The following TNIK variants were observed in gnomAD, a reference collection of about 807,000 sequenced individuals.
The protein encoded by TNIK is TRAF2 and NCK interacting kinase, also known as TRAF2 and NCK-interacting protein kinase.
Under a neutral mutation model 191.3 loss-of-function variants are expected in TNIK, and 49 were observed. The ratio of observed to expected loss-of-function variants is 0.26; its 90% CI spans 0.20 to 0.32. TNIK has a LOEUF of 0.32. Among genes scored for constraint, TNIK ranks in the 10% least tolerant of loss-of-function variants. The pLI, the probability that TNIK is intolerant of heterozygous loss-of-function variation, is 1.00. For missense variants in TNIK, 1,155 were observed against 1,702.3 expected, an observed-to-expected ratio of 0.68 and a Z score of 5.66; for synonymous variants, 594 against 600.9, an observed-to-expected ratio of 0.99 and a Z score of 0.17.
Position 171,157,580 on chromosome 3 carries a change from G to A in TNIK, c.1101C>T (p.Ala367=), listed in dbSNP as rs538670408. ...GCTGCTCCAGCTGCTGCCTCCGTAGGGCCTCAGAACGCTCCTTGTTGGCCA... is the reference window on the plus strand; with the variant it reads ...GCTGCTCCAGCTGCTGCCTCCGTAGAGCCTCAGAACGCTCCTTGTTGGCCA... ...LQLANKERSE[A]LRRQQLEQQQ... The change falls in exon 12 of 33, where the codon GCC becomes GCT. Residue 367 remains alanine (A), a synonymous_variant. Transcript: ENST00000436636. 92 of 1,558,480 alleles carry A rather than the reference G, an allele frequency of 5.9e-5. 2 individuals carry two copies. In the Admixed American group the frequency reaches 9.5e-4, roughly 16 times the overall value.
At chr3:171,235,190 C>G (rs1744112027) in intron 2 of TNIK, among the ~76,000 whole-genome samples, 1 of 152,114 alleles carries the variant, frequency 6.6e-6, no homozygotes, top group African/African-American at 2.4e-5. Context: ...TACTGGTTCC[C>G]ACTACCATGC....
chr3:171,400,572 C>CAGTAAATAAATAAATAAATAAATAAATA (rs1553770008), intron 1 of TNIK, among the ~76,000 whole-genome samples: 4 of 145,850 alleles, frequency 2.7e-5, no homozygotes, highest in Non-Finnish European at 6.0e-5. Context: ...TCCTATCTCA[C>CAGTAAATAAATAAATAAATAAATAAATA]AATAAATAAA....
chr3:171,265,839 A>G (rs1242119729), intron 2 of TNIK, among the ~76,000 whole-genome samples: 2 of 149,894 alleles, frequency 1.3e-5, no homozygotes, highest in Non-Finnish European at 3.0e-5. Flanking sequence ...TGATTGCTTT[A>G]AATAAGCATT....
chr3:171,099,685 C>T (rs1161896563), intron 22 of TNIK, among the ~76,000 whole-genome samples: 6 of 152,160 alleles, frequency 3.9e-5, no homozygotes, highest in Non-Finnish European at 8.8e-5. Context: ...AGGGGGCAGG[C>T]TCTACCTATG....
At chr3:171,156,565 G>T (rs1022777420) in intron 12 of TNIK, among the ~76,000 whole-genome samples, 2 of 152,206 alleles carry the variant, frequency 1.3e-5, no homozygotes, top group African/African-American at 4.8e-5. Flanking sequence ...TTTCCTAATT[G>T]TCTAGAGGCT....
intron 23 of TNIK, 40 bp from the exon 24 acceptor site, chr3:171,087,546 G>T (rs1031027083): frequency 6.2e-7 from 1 of 1,600,598 alleles, no homozygotes; most frequent in Non-Finnish European, 8.5e-7. Flanking sequence ...AGAGAGGGGG[G>T]AAAAAGGCCA....
intron 21 of TNIK, chr3:171,102,197 TAA>T (rs1336580801): frequency 6.6e-6 from 1 of 152,144 alleles, no homozygotes; most frequent in African/African-American, 2.4e-5. Context: ...TGGCCCATCC[TAA>T]AGTCTAGTGC....
Position 171,274,104 on chromosome 3 carries a change from A to G in TNIK, c.124-45883T>C, listed in dbSNP as rs1157265386. Reference sequence around the variant, plus strand: ...TTTATTTCTGTGTTTAAAGTGAAACAAGAGCCCCAGGGCCCTCTATCCCAG... The same window carrying G: ...TTTATTTCTGTGTTTAAAGTGAAACGAGAGCCCCAGGGCCCTCTATCCCAG... On this transcript the variant is annotated intron_variant, in intron 2 of 32. Transcript: ENST00000436636. Among the ~76,000 whole-genome samples the G allele has an allele frequency of 2.6e-5, 4 of 152,238 alleles. No homozygotes were observed. In the South Asian group the frequency reaches 8.3e-4, roughly 32 times the overall value.
intron 18 of TNIK, among the ~76,000 whole-genome samples, chr3:171,120,712 C>CGAA: frequency 6.6e-6 from 1 of 152,158 alleles, no homozygotes; most frequent in Admixed American, 6.5e-5. Context: ...TGATGGTTCT[C>CGAA]TAAGTGGTGA....
At chr3:171,285,628 TTAA>T (rs1750927441) in intron 2 of TNIK, among the ~76,000 whole-genome samples, 1 of 152,238 alleles carries the variant, frequency 6.6e-6, no homozygotes, top group Admixed American at 6.5e-5. Flanking sequence ...ATTATTATTA[TTAA>T]GAGGCACCCA....
intron 1 of TNIK, among the ~76,000 whole-genome samples, chr3:171,423,819 T>A (rs1179184089): frequency 6.6e-6 from 1 of 152,190 alleles, no homozygotes; most frequent in Non-Finnish European, 1.5e-5. Flanking sequence ...TTACACCTTA[T>A]ACAAAAATTA....
At chr3:171,153,830 G>A (rs1292759628) in intron 12 of TNIK, among the ~76,000 whole-genome samples, 1 of 152,194 alleles carries the variant, frequency 6.6e-6, no homozygotes, top group African/African-American at 2.4e-5. Context: ...CAAGCCAGGT[G>A]AGGCTCCCAC....
At chr3:171,440,801 G>A (rs1726704630) in intron 1 of TNIK, among the ~76,000 whole-genome samples, 1 of 152,138 alleles carries the variant, frequency 6.6e-6, no homozygotes, top group African/African-American at 2.4e-5. Flanking sequence ...AAGAGTTTCA[G>A]GCAGCAGGAA....
intron 2 of TNIK, among the ~76,000 whole-genome samples, chr3:171,265,658 T>A (rs1253655490): frequency 6.6e-6 from 1 of 152,256 alleles, no homozygotes; most frequent in Admixed American, 6.5e-5. Context: ...AAGGGAATGG[T>A]AATTAAAATT....
chr3:171,372,055 G>C (rs1280482620), intron 1 of TNIK, among the ~76,000 whole-genome samples: 1 of 152,170 alleles, frequency 6.6e-6, no homozygotes, highest in African/African-American at 2.4e-5. Flanking sequence ...TGCAGAGCAG[G>C]AATCAGCTTC....
chr3:171,395,338 C>T (rs1467324877), intron 1 of TNIK, among the ~76,000 whole-genome samples: 1 of 152,184 alleles, frequency 6.6e-6, no homozygotes, highest in Admixed American at 6.5e-5. Flanking sequence ...GATTATCAGG[C>T]ACACCTCATA....
chr3:171,109,449 C>A (rs1305429158), intron 19 of TNIK, among the ~76,000 whole-genome samples: 4 of 152,168 alleles, frequency 2.6e-5, no homozygotes, highest in African/African-American at 9.7e-5. Context: ...AGTCCATATC[C>A]CAATCCAGAG....
chr3:171,136,778 A>C (rs1730045305), intron 15 of TNIK, among the ~76,000 whole-genome samples: 1 of 152,222 alleles, frequency 6.6e-6, no homozygotes, highest in South Asian at 2.1e-4. Flanking sequence ...GCCAAGAAGC[A>C]TGTCAGCTGC....
At chr3:171,174,262 G>C (rs1735701749) in intron 9 of TNIK, among the ~76,000 whole-genome samples, 1 of 152,144 alleles carries the variant, frequency 6.6e-6, no homozygotes, top group Admixed American at 6.5e-5. Context: ...GTGTGGGTGG[G>C]TGGGAAACAT....
Sources: allele counts gnomAD v4.1 joint callset (sites outside exome capture counted in the v4.1 genomes callset), GRCh38; gene constraint gnomAD v4.1.1; transcripts MANE v1.5; gene names NCBI Gene and HGNC (gene_info 2026-07-23, HGNC 2026-07-21).